The following AGBL4 variants were observed in gnomAD, a reference collection of about 807,000 sequenced individuals.
AGBL4 encodes cytosolic carboxypeptidase 6.
A neutral mutation model predicts 66.4 loss-of-function variants in AGBL4; 58 were observed. That is an observed-to-expected ratio of 0.87 (90% CI 0.71 to 1.09). The LOEUF (loss-of-function observed/expected upper bound fraction) is 1.09. AGBL4 is among the 50% of genes least tolerant of loss of function. AGBL4 has a pLI of 0.00. For missense variants in AGBL4, 579 were observed against 631.0 expected (o/e 0.92, Z 0.88); for synonymous variants, 234 against 222.9 (o/e 1.05, Z -0.44).
intron 2 of AGBL4, among the ~76,000 whole-genome samples, chr1:49,843,261 G>A (rs1462059773): frequency 6.6e-6 from 1 of 151,818 alleles, no homozygotes; most frequent in Non-Finnish European, 1.5e-5. Flanking sequence ...TGAGTAGCTG[G>A]GACTGCAGGT....
intron 1 of AGBL4, among the ~76,000 whole-genome samples, chr1:50,012,334 T>G (rs544980255): frequency 5.2e-4 from 79 of 152,232 alleles, no homozygotes; most frequent in Middle Eastern, 3.4e-3. Context: ...TTATACATTT[T>G]AAAATAATTT....
intron 1 of AGBL4, among the ~76,000 whole-genome samples, chr1:49,873,726 AT>A (rs1382761075): frequency 6.6e-6 from 1 of 152,016 alleles, no homozygotes; most frequent in African/African-American, 2.4e-5. Flanking sequence ...AGCCCTCAAA[AT>A]CATCTTTGGA....
intron 5 of AGBL4, among the ~76,000 whole-genome samples, chr1:48,944,206 C>T (rs537887961): frequency 6.6e-6 from 1 of 152,218 alleles, no homozygotes; most frequent in South Asian, 2.1e-4. Context: ...GCTGGGACCA[C>T]AGAGGAGACA....
rs1411144323 is a variant in AGBL4 at position 48,618,189 on chromosome 1, TG to T, written c.951+16303del. On this transcript the variant is annotated intron_variant, in intron 9 of 13. Transcript: ENST00000371839. ...TTTGAGACCAGCCCAGGCAAGATAG[TG>T]GGACCTTGTCTCTTAAAACAAAACG... Among the ~76,000 whole-genome samples, 3 of 152,284 alleles carry T rather than the reference TG, an allele frequency of 2.0e-5. No homozygotes were observed. The South Asian group carries it at 6.2e-4, about 32-fold the overall frequency.
At chr1:48,964,655 TTATC>T (rs745904347) in intron 5 of AGBL4, among the ~76,000 whole-genome samples, 74 of 152,250 alleles carry the variant, frequency 4.9e-4, no homozygotes, top group Admixed American at 3.2e-3. Flanking sequence ...GCAGCAGAGT[TTATC>T]TACTGCCAAA....
At chr1:49,434,460 C>G (rs1015026051) in intron 3 of AGBL4, among the ~76,000 whole-genome samples, 8 of 151,908 alleles carry the variant, frequency 5.3e-5, no homozygotes, top group Non-Finnish European at 1.0e-4. Context: ...TTTGGTTAGG[C>G]AAAAGTAAAG....
At chr1:48,990,894 C>T (rs1036898697) in intron 5 of AGBL4, among the ~76,000 whole-genome samples, 2 of 152,060 alleles carry the variant, frequency 1.3e-5, no homozygotes, top group Non-Finnish European at 2.9e-5. Context: ...TCATCTCCCA[C>T]TTTTTTGTTT....
chr1:49,873,051 G>C (rs1646877679), intron 1 of AGBL4, among the ~76,000 whole-genome samples: 1 of 151,634 alleles, frequency 6.6e-6, no homozygotes, highest in Non-Finnish European at 1.5e-5. Context: ...AGCTAGACAA[G>C]CTATATTTCA....
chr1:48,646,754 G>A (rs1645843381), intron 8 of AGBL4, among the ~76,000 whole-genome samples: 1 of 152,058 alleles, frequency 6.6e-6, no homozygotes, highest in Non-Finnish European at 1.5e-5. Context: ...TAAAACTGGA[G>A]CAGCCTAGGG....
chr1:49,464,380 T>A (rs1646581164), intron 3 of AGBL4, among the ~76,000 whole-genome samples: 2 of 151,800 alleles, frequency 1.3e-5, no homozygotes, highest in Admixed American at 1.3e-4. Context: ...CTTCTTTATC[T>A]GTGAAGAAGT....
At chr1:49,114,817 G>A (rs948879915) in intron 4 of AGBL4, among the ~76,000 whole-genome samples, 4 of 152,170 alleles carry the variant, frequency 2.6e-5, no homozygotes, top group East Asian at 1.9e-4. Context: ...AACATTTATC[G>A]ATTAAGTTTG....
chr1:48,947,748 A>G (rs997147400), intron 5 of AGBL4, among the ~76,000 whole-genome samples: 1 of 152,180 alleles, frequency 6.6e-6, no homozygotes, highest in Non-Finnish European at 1.5e-5. Flanking sequence ...CCTCAATGTA[A>G]CTGATTTCAG....
intron 5 of AGBL4, among the ~76,000 whole-genome samples, chr1:48,910,605 A>C (rs146123443): frequency 6.6e-6 from 1 of 152,204 alleles, no homozygotes; most frequent in East Asian, 1.9e-4. Flanking sequence ...CAAACAAGGC[A>C]TGGGGTGACA....
chr1:48,572,088 AG>A (rs1326160760), intron 11 of AGBL4, among the ~76,000 whole-genome samples: 2 of 152,110 alleles, frequency 1.3e-5, no homozygotes, highest in Non-Finnish European at 2.9e-5. Context: ...GGAGGGAGAG[AG>A]GGAAGGAAGA....
intron 4 of AGBL4, among the ~76,000 whole-genome samples, chr1:49,115,132 T>C (rs1645490373): frequency 6.6e-6 from 1 of 152,198 alleles, no homozygotes; most frequent in South Asian, 2.1e-4. Flanking sequence ...AAATGAGGTA[T>C]ATCTGTAGTT....
intron 2 of AGBL4, among the ~76,000 whole-genome samples, chr1:49,770,493 T>C (rs1017137944): frequency 1.3e-5 from 2 of 152,176 alleles, no homozygotes; most frequent in Non-Finnish European, 2.9e-5. Flanking sequence ...CTTTTTGTTG[T>C]TGTGCCTTTG....
At chr1:49,777,700 C>T (rs936014700) in intron 2 of AGBL4, among the ~76,000 whole-genome samples, 1 of 152,116 alleles carries the variant, frequency 6.6e-6, no homozygotes, top group African/African-American at 2.4e-5. Context: ...TTGCAATTCC[C>T]TGCTTTCATT....
rs187912335 is a variant in AGBL4 at position 49,193,402 on chromosome 1, A to T, written c.377+52368T>A. ...AGATTTTAGTATATTGTGTTTCCAT[A>T]TTCATTCATTTCAAAATTTTTTTTT... On this transcript the variant is annotated intron_variant, in intron 4 of 13. Coordinates refer to ENST00000371839, the MANE Select transcript of AGBL4 (RefSeq NM_032785.4). Among the ~76,000 whole-genome samples the T allele has an allele frequency of 8.6e-5, 13 of 151,648 alleles. No individual in the cohort carries two copies. In the East Asian group the frequency reaches 1.7e-3, roughly 20 times the overall value.
At chr1:48,604,305 G>A (rs1296927218) in intron 9 of AGBL4, among the ~76,000 whole-genome samples, 1 of 152,192 alleles carries the variant, frequency 6.6e-6, no homozygotes, top group Non-Finnish European at 1.5e-5. Context: ...CATCCACTGA[G>A]ATTGGAGATG....
Sources: allele counts gnomAD v4.1 joint callset (sites outside exome capture counted in the v4.1 genomes callset), GRCh38; gene constraint gnomAD v4.1.1; transcripts MANE v1.5; gene names NCBI Gene and HGNC (gene_info 2026-07-23, HGNC 2026-07-21).